Variants in MYO5A observed in about 807,000 individuals in gnomAD.
The protein encoded by MYO5A is myosin VA.
MYO5A carries 98 observed loss-of-function variants against 249.7 expected under a neutral mutation model. The observed-to-expected ratio is 0.39, with a 90% CI of 0.33 to 0.46. The LOEUF (loss-of-function observed/expected upper bound fraction) is 0.46, where lower values mean the gene tolerates loss of function less well. MYO5A is among the 20% of genes least tolerant of loss of function. The pLI is 0.98. For synonymous variants in MYO5A, 778 were observed against 810.6 expected, an observed-to-expected ratio of 0.96 and a Z score of 0.68; for missense variants, 1,696 against 2,308.8, an observed-to-expected ratio of 0.73 and a Z score of 5.44.
intron 32 of MYO5A, 40 bp from the exon 33 acceptor site, chr15:52,337,924 GTGTT>G: frequency 7.4e-7 from 1 of 1,351,826 alleles, no homozygotes; most frequent in Non-Finnish European, 1.0e-6. Flanking sequence ...TTTTGTCTGT[GTGTT>G]TGAGGGAAAT....
intron 1 of MYO5A, among the ~76,000 whole-genome samples, chr15:52,481,371 G>A (rs1012673393): frequency 3.3e-4 from 51 of 152,312 alleles, no homozygotes; most frequent in African/African-American, 1.2e-3. Context: ...GGTTCCACAA[G>A]TATTTAGTAT....
chr15:52,516,073 T>C (rs1479690491), intron 1 of MYO5A, among the ~76,000 whole-genome samples: 1 of 152,216 alleles, frequency 6.6e-6, no homozygotes, highest in Non-Finnish European at 1.5e-5. Flanking sequence ...GGTTTTATTA[T>C]CACCATTATA....
At chr15:52,334,656 TACTC>T (rs918476619) in intron 34 of MYO5A, among the ~76,000 whole-genome samples, 14 of 152,272 alleles carry the variant, frequency 9.2e-5, no homozygotes, top group Admixed American at 5.9e-4. Context: ...TTCTGAAACT[TACTC>T]ATTCACTCAA....
chr15:52,492,892 G>A (rs947280146), intron 1 of MYO5A, among the ~76,000 whole-genome samples: 3 of 152,196 alleles, frequency 2.0e-5, no homozygotes, highest in Non-Finnish European at 2.9e-5. Flanking sequence ...ATATATGTGA[G>A]ATTTTCCCAT....
intron 24 of MYO5A, among the ~76,000 whole-genome samples, chr15:52,362,637 T>A (rs987831015): frequency 6.6e-6 from 1 of 152,214 alleles, no homozygotes; most frequent in African/African-American, 2.4e-5. Context: ...GAGGAATGAC[T>A]GAGTCACAGG....
chr15:52,501,269 C>T (rs184197505), intron 1 of MYO5A, among the ~76,000 whole-genome samples: 252 of 152,242 alleles, frequency 1.7e-3, no homozygotes, highest in African/African-American at 5.9e-3. Context: ...CCGCGCCCAG[C>T]CAGAAAACGT....
intron 13 of MYO5A, 30 bp from the exon 14 acceptor site, chr15:52,387,942 T>A (rs2042038621): frequency 6.8e-7 from 1 of 1,475,548 alleles, no homozygotes; most frequent in Non-Finnish European, 9.5e-7. Context: ...TCTCCTTAAC[T>A]GATAAAACTT....
intron 18 of MYO5A, among the ~76,000 whole-genome samples, chr15:52,378,515 CAAA>C (rs55803737): frequency 0.019 from 197 of 10,490 alleles, 18 homozygotes; most frequent in East Asian, 0.065. Context: ...AAGACTGTCT[CAAA>C]AAAAAAAAAA....
intron 1 of MYO5A, among the ~76,000 whole-genome samples, chr15:52,513,570 A>G (rs935736981): frequency 6.6e-6 from 1 of 151,338 alleles, no homozygotes; most frequent in Non-Finnish European, 1.5e-5. Context: ...GATTATAGGC[A>G]TGTGCCACCA....
At chr15:52,381,759 T>TTCTC (rs2041747224) in intron 16 of MYO5A, among the ~76,000 whole-genome samples, 2 of 83,314 alleles carry the variant, frequency 2.4e-5, no homozygotes, top group Admixed American at 2.9e-4. Flanking sequence ...GCCCCTCCTT[T>TTCTC]TGTGTCTCTC....
intron 1 of MYO5A, among the ~76,000 whole-genome samples, chr15:52,433,821 G>A (rs2075597256): frequency 6.6e-6 from 1 of 152,062 alleles, no homozygotes; most frequent in Admixed American, 6.6e-5. Context: ...AAACAGTTAT[G>A]ATCAAAGCTT....
chr15:52,403,735 A>T (rs2042865012), intron 9 of MYO5A, among the ~76,000 whole-genome samples: 1 of 152,228 alleles, frequency 6.6e-6, no homozygotes, highest in Non-Finnish European at 1.5e-5. Context: ...AAAGACTAGC[A>T]ATGTTTCATT....
chr15:52,347,813 T>C (rs2039718574), intron 29 of MYO5A, among the ~76,000 whole-genome samples: 1 of 152,206 alleles, frequency 6.6e-6, no homozygotes, highest in African/African-American at 2.4e-5. Context: ...TTTTTAGCTA[T>C]GTTTTGTAAA....
In MYO5A at chr15:52,416,191, T is replaced by C; in HGVS notation, c.566A>G (p.Glu189Gly). The C allele has an allele frequency of 6.2e-7, 1 of 1,614,080 alleles. No individual in the cohort carries two copies. The highest frequency in any genetic ancestry group is 8.5e-7 in the Non-Finnish European group (1 of 1,179,948). The change falls in exon 5 of 42, where the codon GAG becomes GGG. Residue 189 changes from glutamate (E) to glycine (G), a missense_variant. Transcript: ENST00000399233. The stretch of plus-strand genomic sequence containing the variant: ...CAAGACCTTTTCCTCCACATTGGCC[T>C]CACTGGCAGAACCACTCACAGTTGC... ...YFATVSGSAS[E>G]ANVEEKVLAS...
intron 1 of MYO5A, among the ~76,000 whole-genome samples, chr15:52,475,387 T>C (rs1221590855): frequency 6.6e-6 from 1 of 152,222 alleles, no homozygotes; most frequent in Non-Finnish European, 1.5e-5. Context: ...CTCTATCTCC[T>C]TCAGTTCTGC....
chr15:52,481,559 G>A (rs982679989), intron 1 of MYO5A, among the ~76,000 whole-genome samples: 1 of 152,214 alleles, frequency 6.6e-6, no homozygotes, highest in Non-Finnish European at 1.5e-5. Context: ...AGTGGAGTTT[G>A]CAAACCTCAC....
intron 1 of MYO5A, among the ~76,000 whole-genome samples, chr15:52,462,621 G>T (rs146715163): frequency 3.1e-4 from 47 of 152,312 alleles, no homozygotes; most frequent in Middle Eastern, 3.4e-3. Context: ...GCCAAGGTGG[G>T]CAGATTGCCT....
At chr15:52,374,526 T>C (rs1414088113) in intron 20 of MYO5A, among the ~76,000 whole-genome samples, 1 of 152,252 alleles carries the variant, frequency 6.6e-6, no homozygotes, top group African/African-American at 2.4e-5. Flanking sequence ...ATGGGAGGAT[T>C]ATCCTGGATC....
intron 40 of MYO5A, among the ~76,000 whole-genome samples, chr15:52,316,422 T>C (rs1257904087): frequency 6.6e-6 from 1 of 152,174 alleles, no homozygotes. Context: ...CTTCCCTGAA[T>C]ACTGCTATCT....
Sources: gnomAD v4.1 joint callset for allele counts (sites outside exome capture counted in the v4.1 genomes callset) on GRCh38, gnomAD v4.1.1 for gene constraint, MANE v1.5 for transcripts, NCBI Gene and HGNC (gene_info 2026-07-23, HGNC 2026-07-21) for gene names.